Variants in CCDC192 observed in about 807,000 individuals in gnomAD.
CCDC192 encodes coiled-coil domain-containing protein 192.
intron 3 of CCDC192, chr5:127,785,379 A>T: frequency 2.4e-6 from 1 of 423,696 alleles, no homozygotes; most frequent in East Asian, 5.7e-5. Context: ...GTGATTTTTG[A>T]ATTGCTCATT....
intron 6 of CCDC192, among the ~76,000 whole-genome samples, chr5:127,933,330 T>C (rs1009457634): frequency 6.6e-6 from 1 of 152,158 alleles, no homozygotes; most frequent in African/African-American, 2.4e-5. Context: ...CAGCCTAAAG[T>C]AGCAGAAGCA....
At chr5:127,884,549 C>G (rs1752493448) in intron 6 of CCDC192, among the ~76,000 whole-genome samples, 1 of 151,970 alleles carries the variant, frequency 6.6e-6, no homozygotes, top group South Asian at 2.1e-4. Context: ...AAGGAAATCT[C>G]AGAGAAGGAA....
intron 5 of CCDC192, among the ~76,000 whole-genome samples, chr5:127,839,716 A>G (rs1004861580): frequency 7.9e-5 from 12 of 152,242 alleles, no homozygotes; most frequent in African/African-American, 2.9e-4. Flanking sequence ...CCTTAGGTTA[A>G]CTTCTCTGAG....
intron 6 of CCDC192, among the ~76,000 whole-genome samples, chr5:127,891,194 AG>A (rs1221866101): frequency 1.3e-5 from 2 of 151,592 alleles, no homozygotes; most frequent in Non-Finnish European, 2.9e-5. Context: ...CTGGGATTAC[AG>A]GTGCCTGCCA....
At chr5:127,809,020 T>C (rs1450169902) in intron 5 of CCDC192, among the ~76,000 whole-genome samples, 1 of 152,196 alleles carries the variant, frequency 6.6e-6, no homozygotes, top group Non-Finnish European at 1.5e-5. Context: ...TGTAATTTTA[T>C]CTTATTTTCA....
chr5:127,746,889 T>C (rs187594492), intron 2 of CCDC192, among the ~76,000 whole-genome samples: 1 of 152,228 alleles, frequency 6.6e-6, no homozygotes, highest in East Asian at 1.9e-4. Context: ...CAATGTATAG[T>C]ATGAACAATT....
intron 2 of CCDC192, among the ~76,000 whole-genome samples, chr5:127,728,376 T>C (rs543252970): frequency 1.1e-4 from 16 of 152,208 alleles, no homozygotes; most frequent in East Asian, 9.6e-4. Context: ...CCAGAAAAGA[T>C]TGGGGGGACA....
At chr5:127,753,383 A>G (rs906287314) in intron 2 of CCDC192, among the ~76,000 whole-genome samples, 1 of 152,286 alleles carries the variant, frequency 6.6e-6, no homozygotes, top group East Asian at 1.9e-4. Context: ...TTCAGCTTGT[A>G]GCTGAGAAAA....
At chr5:127,813,090 C>A (rs1287133649) in intron 5 of CCDC192, among the ~76,000 whole-genome samples, 2 of 152,212 alleles carry the variant, frequency 1.3e-5, no homozygotes, top group East Asian at 3.9e-4. Context: ...ACATTTGTGT[C>A]CCTTTAGAGT....
intron 6 of CCDC192, among the ~76,000 whole-genome samples, chr5:127,918,888 T>A (rs1434280236): frequency 6.6e-6 from 1 of 152,052 alleles, no homozygotes; most frequent in African/African-American, 2.4e-5. Context: ...TACATGTGCA[T>A]GCATGTGTAT....
chr5:127,771,926 C>T (rs1193449245), intron 3 of CCDC192, among the ~76,000 whole-genome samples: 3 of 152,204 alleles, frequency 2.0e-5, no homozygotes, highest in African/African-American at 4.8e-5. Context: ...GTGTGGTTCC[C>T]GCCTTGCGTT....
intron 5 of CCDC192, among the ~76,000 whole-genome samples, chr5:127,861,736 A>C (rs1751381841): frequency 1.2e-5 from 1 of 85,006 alleles, no homozygotes; most frequent in African/African-American, 3.9e-5. Context: ...CATTTAAACC[A>C]TATGAGTTAA....
intron 3 of CCDC192, among the ~76,000 whole-genome samples, chr5:127,757,974 C>T (rs1209286803): frequency 1.3e-5 from 2 of 151,834 alleles, no homozygotes; most frequent in Admixed American, 1.3e-4. Flanking sequence ...AAATTATGGG[C>T]TAGCCGGGTG....
intron 6 of CCDC192, among the ~76,000 whole-genome samples, chr5:127,938,518 C>T (rs1754246344): frequency 6.6e-6 from 1 of 152,062 alleles, no homozygotes; most frequent in South Asian, 2.1e-4. Flanking sequence ...CAGCATTATC[C>T]AACAGAAATA....
intron 5 of CCDC192, among the ~76,000 whole-genome samples, chr5:127,856,100 T>G (rs1007997871): frequency 6.6e-6 from 1 of 152,212 alleles, no homozygotes; most frequent in Non-Finnish European, 1.5e-5. Context: ...GATGGCATCT[T>G]CTTCCAGTTG....
At chr5:127,728,654 C>A (rs1331125292) in intron 2 of CCDC192, among the ~76,000 whole-genome samples, 1 of 152,130 alleles carries the variant, frequency 6.6e-6, no homozygotes, top group Non-Finnish European at 1.5e-5. Flanking sequence ...TGCAAAATAA[C>A]CAGCTAGCAT....
At chr5:127,781,153 T>A (rs1232243632) in intron 3 of CCDC192, among the ~76,000 whole-genome samples, 1 of 152,204 alleles carries the variant, frequency 6.6e-6, no homozygotes, top group Non-Finnish European at 1.5e-5. Flanking sequence ...CATTTGGGTT[T>A]TTTTCTGGAC....
chr5:127,717,095 G>A (rs1299824154), intron 2 of CCDC192, among the ~76,000 whole-genome samples: 2 of 152,170 alleles, frequency 1.3e-5, no homozygotes, highest in East Asian at 3.8e-4. Flanking sequence ...AACTGTCATT[G>A]TAACTGACAG....
intron 5 of CCDC192, among the ~76,000 whole-genome samples, chr5:127,804,783 G>A (rs564480242): frequency 6.6e-6 from 1 of 152,292 alleles, no homozygotes; most frequent in Non-Finnish European, 1.5e-5. Context: ...GGAAAAGGAT[G>A]CAGAGTTTTA....
Sources: gnomAD v4.1 joint callset for allele counts (sites outside exome capture counted in the v4.1 genomes callset) on GRCh38, gnomAD v4.1.1 for gene constraint, MANE v1.5 for transcripts, NCBI Gene and HGNC (gene_info 2026-07-23, HGNC 2026-07-21) for gene names.